The following TTC23 variants were observed in gnomAD, a reference collection of about 807,000 sequenced individuals.
The protein encoded by TTC23 is tetratricopeptide repeat protein 23.
In TTC23, 58 loss-of-function variants were observed where a neutral mutation model predicts 55.1. That is an observed-to-expected ratio of 1.05 (90% CI 0.85 to 1.31). The LOEUF is 1.31. Among genes scored for constraint, TTC23 ranks in the 50% most tolerant of loss-of-function variants. TTC23 has a pLI of 0.00. For missense variants in TTC23, 516 were observed against 534.4 expected, an observed-to-expected ratio of 0.97 and a Z score of 0.34; for synonymous variants, 203 against 199.9, an observed-to-expected ratio of 1.02 and a Z score of -0.13.
chr15:99,195,805 G>A (rs1468984667), intron 9 of TTC23, among the ~76,000 whole-genome samples: 1 of 151,604 alleles, frequency 6.6e-6, no homozygotes, highest in East Asian at 1.9e-4. Flanking sequence ...GCTATGCATG[G>A]TGGGGGGCAG....
At chr15:99,174,579 T>C (rs1211981649) in intron 10 of TTC23, among the ~76,000 whole-genome samples, 1 of 152,112 alleles carries the variant, frequency 6.6e-6, no homozygotes, top group African/African-American at 2.4e-5. Context: ...TACGCGGGGA[T>C]AAGAAAAACC....
chr15:99,186,650 T>C (rs1320922514), intron 9 of TTC23, among the ~76,000 whole-genome samples: 4 of 152,126 alleles, frequency 2.6e-5, no homozygotes, highest in East Asian at 3.8e-4. Flanking sequence ...AAAAATCATA[T>C]ATTTCTATAC....
At chr15:99,237,407 A>G (rs1360349372) in intron 3 of TTC23, among the ~76,000 whole-genome samples, 1 of 152,222 alleles carries the variant, frequency 6.6e-6, no homozygotes, top group African/African-American at 2.4e-5. Flanking sequence ...ATGTCTATAA[A>G]TGGGTAAATG....
chr15:99,214,023 A>C (rs2077248961), intron 8 of TTC23, among the ~76,000 whole-genome samples: 1 of 152,214 alleles, frequency 6.6e-6, no homozygotes, highest in African/African-American at 2.4e-5. Flanking sequence ...TATATGAGAG[A>C]GCATATCAGA....
At chr15:99,197,630 G>A (rs917190655) in intron 9 of TTC23, among the ~76,000 whole-genome samples, 1 of 152,134 alleles carries the variant, frequency 6.6e-6, no homozygotes, top group Non-Finnish European at 1.5e-5. Context: ...GGGAGGCCAG[G>A]CGCAGTAGCT....
At chr15:99,138,816 G>A (rs2067858101) in intron 13 of TTC23, among the ~76,000 whole-genome samples, 1 of 151,830 alleles carries the variant, frequency 6.6e-6, no homozygotes, top group Non-Finnish European at 1.5e-5. Context: ...CTGTTTCCCT[G>A]AGCAGACTCA....
intron 12 of TTC23, among the ~76,000 whole-genome samples, chr15:99,146,779 C>G (rs1248770576): frequency 6.6e-6 from 1 of 152,254 alleles, no homozygotes; most frequent in Non-Finnish European, 1.5e-5. Flanking sequence ...GGCACTGTGC[C>G]TGGGTGCCAT....
chr15:99,138,972 G>A (rs554783024), intron 13 of TTC23, among the ~76,000 whole-genome samples: 2 of 152,318 alleles, frequency 1.3e-5, no homozygotes, highest in Admixed American at 1.3e-4. Context: ...CAGTCCTGAC[G>A]GGCATCCGAG....
chr15:99,150,895 T>C (rs2069629372), intron 12 of TTC23, among the ~76,000 whole-genome samples: 1 of 152,222 alleles, frequency 6.6e-6, no homozygotes, highest in African/African-American at 2.4e-5. Flanking sequence ...CTGCTTTTTG[T>C]TCCTTAGATG....
chr15:99,214,538 A>G (rs1397279484), intron 8 of TTC23, among the ~76,000 whole-genome samples: 1 of 143,590 alleles, frequency 7.0e-6, no homozygotes, highest in Non-Finnish European at 1.5e-5. Flanking sequence ...AGATCCTCCC[A>G]CCTCAGTCTC....
At chr15:99,154,851 A>C (rs751271427) in intron 12 of TTC23, among the ~76,000 whole-genome samples, 43 of 152,352 alleles carry the variant, frequency 2.8e-4, no homozygotes, top group Non-Finnish European at 5.1e-4. Context: ...ACCAGCATCT[A>C]TTAAATAAAG....
chr15:99,244,750 G>T (rs2080095618), intron 2 of TTC23, among the ~76,000 whole-genome samples: 1 of 151,958 alleles, frequency 6.6e-6, no homozygotes, highest in Non-Finnish European at 1.5e-5. Context: ...AAACTCAGCT[G>T]TTTTTTTGCA....
intron 8 of TTC23, among the ~76,000 whole-genome samples, chr15:99,214,077 T>A (rs1280394350): frequency 6.6e-6 from 1 of 152,172 alleles, no homozygotes; most frequent in Non-Finnish European, 1.5e-5. Context: ...GTCTTAAAAT[T>A]TTTTTAGCCA....
chr15:99,208,147 C>T (rs1034286141), intron 8 of TTC23, among the ~76,000 whole-genome samples: 3 of 151,846 alleles, frequency 2.0e-5, no homozygotes, highest in African/African-American at 7.3e-5. Flanking sequence ...AAGACTAGAG[C>T]TGGATTATAT....
At chr15:99,238,122 T>A (rs1274934586) in intron 3 of TTC23, among the ~76,000 whole-genome samples, 1 of 151,948 alleles carries the variant, frequency 6.6e-6, no homozygotes, top group African/African-American at 2.4e-5. Flanking sequence ...TGCACCACCA[T>A]GCCTGGCTAA....
At chr15:99,223,693 T>C (rs976969098) in intron 5 of TTC23, among the ~76,000 whole-genome samples, 1 of 152,216 alleles carries the variant, frequency 6.6e-6, no homozygotes, top group Non-Finnish European at 1.5e-5. Flanking sequence ...TAGAAAGGCC[T>C]GATAGTTTGA....
In TTC23 at chr15:99,209,521, C is replaced by T. The variant is rs1054632406; in HGVS notation, c.581+9067G>A. 2.0e-5 allele frequency among the ~76,000 whole-genome samples: 3 copies of T among 152,158 alleles called. No individual in the cohort carries two copies. In the East Asian group the frequency reaches 5.8e-4, roughly 29 times the overall value. Reference sequence around the variant, plus strand: ...TTGAATAAGCAGGGCTCTGCTGGGCCACTTTCCAGCTTTATCGCTTCCTGC... The same window carrying T: ...TTGAATAAGCAGGGCTCTGCTGGGCTACTTTCCAGCTTTATCGCTTCCTGC... On this transcript the variant is annotated intron_variant, in intron 8 of 13. Transcript: ENST00000394132.
intron 4 of TTC23, among the ~76,000 whole-genome samples, chr15:99,234,393 C>A (rs569178131): frequency 6.6e-6 from 1 of 151,948 alleles, no homozygotes. Flanking sequence ...TTTTTTGAGA[C>A]GGAGTCTCGC....
At chr15:99,244,910 T>C (rs1321924259) in intron 2 of TTC23, among the ~76,000 whole-genome samples, 1 of 152,166 alleles carries the variant, frequency 6.6e-6, no homozygotes, top group African/African-American at 2.4e-5. Context: ...TAATCAAAAG[T>C]GTTGTACTTA....
Sources: allele counts gnomAD v4.1 joint callset (sites outside exome capture counted in the v4.1 genomes callset), GRCh38; gene constraint gnomAD v4.1.1; transcripts MANE v1.5; gene names NCBI Gene and HGNC (gene_info 2026-07-23, HGNC 2026-07-21).